LTBP1: variants seen among roughly 807,000 people sequenced by gnomAD.
LTBP1 encodes latent transforming growth factor beta binding protein 1, also known as latent-transforming growth factor beta-binding protein 1.
Under a neutral mutation model 207.6 loss-of-function variants are expected in LTBP1, and 129 were observed. The ratio of observed to expected loss-of-function variants is 0.62; its 90% confidence interval spans 0.54 to 0.72. The LOEUF is 0.72. Among genes scored for constraint, LTBP1 ranks in the 30% least tolerant of loss-of-function variants. The pLI is 0.00. For missense variants in LTBP1, 2,281 were observed against 2,217.2 expected (o/e 1.03, Z -0.58); for synonymous variants, 963 against 833.7 (o/e 1.16, Z -2.67).
At chr2:33,153,574 C>T (rs1042181318) in intron 5 of LTBP1, among the ~76,000 whole-genome samples, 1 of 152,082 alleles carries the variant, frequency 6.6e-6, no homozygotes, top group Non-Finnish European at 1.5e-5. Flanking sequence ...ATCTGAGCCG[C>T]GAAGGATCTA....
chr2:33,291,687 T>G (rs2093777588), intron 19 of LTBP1: 1 of 152,234 alleles, frequency 6.6e-6, no homozygotes, highest in Non-Finnish European at 1.5e-5. Context: ...GCAGTGCCAT[T>G]TCCTTGGCTC....
Position 33,360,633 on chromosome 2 carries a change from A to C in LTBP1, c.4037A>C (p.Lys1346Thr). The C allele has an allele frequency of 6.2e-7, 1 of 1,613,848 alleles. No homozygotes were observed. The change falls in exon 27 of 34, where the codon AAG becomes ACG. Residue 1346 changes from lysine (K) to threonine (T), a missense_variant. This residue lies in a region of LTBP1 where 1,671 missense variants were observed against 1,634.8 expected (regional missense o/e 1.02). Coordinates refer to ENST00000404816, the MANE Select transcript of LTBP1 (RefSeq NM_206943.4). ...GATGTAGATCAACCCAAAGAAGAAA[A>C]GAAAGAATGCTACTATAATCTCAAT... is the stretch of plus-strand genomic sequence containing the variant. ...DVDVDQPKEE[K>T]KECYYNLNDA...
intron 26 of LTBP1, among the ~76,000 whole-genome samples, chr2:33,357,423 C>T (rs1057335561): frequency 6.6e-6 from 1 of 152,138 alleles, no homozygotes; most frequent in African/African-American, 2.4e-5. Context: ...AGAACAAACC[C>T]ATGCTATGTG....
intron 22 of LTBP1, among the ~76,000 whole-genome samples, chr2:33,306,022 A>G (rs185765627): frequency 1.4e-4 from 22 of 152,232 alleles, no homozygotes; most frequent in Admixed American, 1.0e-3. Context: ...GGAAAAATAT[A>G]TATTTTCGCA....
chr2:33,105,292 A>G (rs1448262622), intron 3 of LTBP1, among the ~76,000 whole-genome samples: 1 of 152,210 alleles, frequency 6.6e-6, no homozygotes, highest in Non-Finnish European at 1.5e-5. Flanking sequence ...ACCTTAGTCT[A>G]TTAAGTGTGT....
At chr2:33,143,080 C>T (rs1042788930) in intron 5 of LTBP1, among the ~76,000 whole-genome samples, 3 of 152,166 alleles carry the variant, frequency 2.0e-5, no homozygotes, top group Non-Finnish European at 2.9e-5. Context: ...CCAGGGATAC[C>T]AAAGGTCCCC....
chr2:32,957,312 C>A (rs1678243913), intron 2 of LTBP1, among the ~76,000 whole-genome samples: 1 of 152,210 alleles, frequency 6.6e-6, no homozygotes, highest in South Asian at 2.1e-4. Flanking sequence ...TCTTGGCTTT[C>A]TACATGCCTT....
At chr2:33,122,065 G>C (rs12373630) in intron 4 of LTBP1, among the ~76,000 whole-genome samples, 30,310 of 150,064 alleles carry the variant, frequency 0.2, 3,601 homozygotes, top group East Asian at 0.46. Flanking sequence ...ATGGCTTCCT[G>C]TGGGTATAGT....
rs551498138 is a variant in LTBP1 at position 33,102,847 on chromosome 2, C to T, written c.864-7735C>T. ...GCATTGTCTGTATGCAGTCTGTATG[C>T]TGTATGCACTGTCTGTATGCACAAT... is the stretch of plus-strand genomic sequence containing the variant. On this transcript the variant is annotated intron_variant, in intron 3 of 33. Transcript: ENST00000404816. Among the ~76,000 whole-genome samples, 3 of 151,982 alleles carry T rather than the reference C, an allele frequency of 2.0e-5. No individual in the cohort carries two copies. The East Asian group carries it at 5.8e-4, about 29-fold the overall frequency.
At chr2:33,072,776 C>T (rs1433951788) in intron 3 of LTBP1, among the ~76,000 whole-genome samples, 1 of 152,124 alleles carries the variant, frequency 6.6e-6, no homozygotes, top group Non-Finnish European at 1.5e-5. Context: ...CTCTCAGAAA[C>T]ATTGCTGGTT....
chr2:33,349,776 A>T (rs1370665697), intron 26 of LTBP1, among the ~76,000 whole-genome samples: 1 of 152,226 alleles, frequency 6.6e-6, no homozygotes, highest in Admixed American at 6.5e-5. Context: ...GGTTACATTC[A>T]TATTGTACTG....
rs113120556 is a variant in LTBP1 at position 33,013,434 on chromosome 2, T to A, written c.566-7475T>A. Reference sequence around the variant, plus strand: ...GGTCTTCCTTTGTTAAAGGCAACTTTTATTAATTTTTTTTATATAATAGCA... The same window carrying A: ...GGTCTTCCTTTGTTAAAGGCAACTTATATTAATTTTTTTTATATAATAGCA... On this transcript the variant is annotated intron_variant, in intron 2 of 33. Coordinates refer to ENST00000404816, the MANE Select transcript of LTBP1 (RefSeq NM_206943.4). Among the ~76,000 whole-genome samples, 190 of 152,232 alleles carry A rather than the reference T, an allele frequency of 1.2e-3. 1 individual carries two copies. Among genetic ancestry groups the A allele is most frequent in the African/African-American group, 4.1e-3 (170 of 41,598 alleles).
At chr2:33,009,333 C>T (rs1307439556) in intron 2 of LTBP1, among the ~76,000 whole-genome samples, 1 of 152,144 alleles carries the variant, frequency 6.6e-6, no homozygotes, top group Admixed American at 6.6e-5. Flanking sequence ...TATTGCCCTT[C>T]CCTGATTCAC....
chr2:33,314,285 C>A (rs1248586932), intron 23 of LTBP1, among the ~76,000 whole-genome samples: 3 of 152,182 alleles, frequency 2.0e-5, no homozygotes, highest in Non-Finnish European at 2.9e-5. Context: ...CATGGTGGCT[C>A]ACCTCTGTAA....
At chr2:33,315,079 T>G in intron 23 of LTBP1, 65 bp from the exon 24 acceptor site, 1 of 1,288,360 alleles carries the variant, frequency 7.8e-7, no homozygotes, top group Non-Finnish European at 1.1e-6. Context: ...TTGCCATCTG[T>G]TTGATAGTAT....
At chr2:33,313,254 A>G (rs1352146295) in intron 23 of LTBP1, among the ~76,000 whole-genome samples, 1 of 152,206 alleles carries the variant, frequency 6.6e-6, no homozygotes, top group Non-Finnish European at 1.5e-5. Flanking sequence ...TGGGTTTCTT[A>G]TTTTTATTCA....
chr2:32,988,896 G>C (rs1460428013), intron 2 of LTBP1, among the ~76,000 whole-genome samples: 3 of 151,952 alleles, frequency 2.0e-5, no homozygotes, highest in Non-Finnish European at 4.4e-5. Context: ...TCTTTGTTTT[G>C]GGTAATATTG....
At chr2:33,133,985 A>G (rs1311522742) in intron 4 of LTBP1, among the ~76,000 whole-genome samples, 1 of 152,022 alleles carries the variant, frequency 6.6e-6, no homozygotes, top group Non-Finnish European at 1.5e-5. Flanking sequence ...TTTTTAAGAG[A>G]AGGCCACGCT....
At chr2:33,373,995 G>A (rs1003283465) in intron 31 of LTBP1, among the ~76,000 whole-genome samples, 4 of 152,028 alleles carry the variant, frequency 2.6e-5, no homozygotes, top group Non-Finnish European at 2.9e-5. Context: ...CAAACAATTC[G>A]GCTAGTGATT....
Sources: allele counts gnomAD v4.1 joint callset (sites outside exome capture counted in the v4.1 genomes callset), GRCh38; gene constraint gnomAD v4.1.1; regional missense constraint gnomAD v4.1.1; transcripts MANE v1.5; gene names NCBI Gene and HGNC (gene_info 2026-07-23, HGNC 2026-07-21).